NTM: variants seen among roughly 807,000 people sequenced by gnomAD.
NTM encodes the protein neurotrimin.
Under a neutral mutation model 42.1 loss-of-function variants are expected in NTM, and 13 were observed. That is an observed-to-expected ratio of 0.31 (90% CI 0.20 to 0.49). The LOEUF is 0.49. Among genes scored for constraint, NTM ranks in the 20% least tolerant of loss-of-function variants. The probability of loss-of-function intolerance (pLI) is 0.99; values close to 1 mark genes in which losing one functional copy is unlikely to be tolerated. For missense variants in NTM, 373 were observed against 452.8 expected (o/e 0.82, Z 1.60); for synonymous variants, 187 against 179.2 (o/e 1.04, Z -0.35).
chr11:131,712,136 A>AATG (rs1416051457), intron 1 of NTM, among the ~76,000 whole-genome samples: 2 of 149,978 alleles, frequency 1.3e-5, no homozygotes, highest in Admixed American at 6.6e-5. Flanking sequence ...GTATAATAAT[A>AATG]ATAAAATAAA....
intron 4 of NTM, among the ~76,000 whole-genome samples, chr11:132,305,836 A>G (rs569903971): frequency 1.3e-5 from 2 of 152,280 alleles, no homozygotes; most frequent in African/African-American, 2.4e-5. Flanking sequence ...CTATGAGTCT[A>G]TTTGGGTTAA....
At chr11:131,981,373 G>A (rs1358497262) in intron 2 of NTM, 1 of 152,254 alleles carries the variant, frequency 6.6e-6, no homozygotes, top group Non-Finnish European at 1.5e-5. Context: ...CCGGTTAGCT[G>A]TGTGACAGCT....
chr11:131,453,018 C>G (rs1314560781), intron 1 of NTM, among the ~76,000 whole-genome samples: 1 of 152,172 alleles, frequency 6.6e-6, no homozygotes, highest in Non-Finnish European at 1.5e-5. Context: ...CTCCCAAAAC[C>G]GTATTTCCAA....
intron 1 of NTM, among the ~76,000 whole-genome samples, chr11:131,774,377 A>T (rs911739890): frequency 6.6e-6 from 1 of 152,168 alleles, no homozygotes; most frequent in Non-Finnish European, 1.5e-5. Context: ...CTTTTCACAC[A>T]ATTAACATAC....
At chr11:131,876,883 G>C (rs2048612809) in intron 1 of NTM, among the ~76,000 whole-genome samples, 2 of 148,750 alleles carry the variant, frequency 1.3e-5, no homozygotes, top group Admixed American at 1.3e-4. Flanking sequence ...TTTTGAGACA[G>C]AGTCTCACTC....
At chr11:131,550,129 A>G (rs1056116704) in intron 1 of NTM, among the ~76,000 whole-genome samples, 1 of 152,256 alleles carries the variant, frequency 6.6e-6, no homozygotes, top group Non-Finnish European at 1.5e-5. Flanking sequence ...GACAAGAAGA[A>G]CAATAGATAA....
At chr11:131,533,447 C>T (rs2051615398) in intron 1 of NTM, among the ~76,000 whole-genome samples, 1 of 152,176 alleles carries the variant, frequency 6.6e-6, no homozygotes. Flanking sequence ...GTAGACGTCT[C>T]CATCACTGAA....
intron 2 of NTM, among the ~76,000 whole-genome samples, chr11:131,993,684 G>A (rs564386417): frequency 6.6e-6 from 1 of 152,182 alleles, no homozygotes; most frequent in Middle Eastern, 3.4e-3. Context: ...AAAGGGGATT[G>A]AGAAGAATGG....
intron 2 of NTM, among the ~76,000 whole-genome samples, chr11:131,975,356 T>G (rs1284435653): frequency 6.6e-6 from 1 of 152,110 alleles, no homozygotes; most frequent in Non-Finnish European, 1.5e-5. Flanking sequence ...ATTTTTGTAT[T>G]TTTAGTAGAG....
chr11:131,548,009 A>G (rs765154647), intron 1 of NTM, among the ~76,000 whole-genome samples: 4 of 152,192 alleles, frequency 2.6e-5, no homozygotes, highest in African/African-American at 9.7e-5. Context: ...GAGACAGAGG[A>G]GCTCAAACTC....
At chr11:131,794,098 G>T (rs139002893) in intron 1 of NTM, among the ~76,000 whole-genome samples, 239 of 152,296 alleles carry the variant, frequency 1.6e-3, no homozygotes, top group African/African-American at 5.3e-3. Flanking sequence ...TCCAGGCAGG[G>T]ACATGCTGCT....
At chr11:131,376,153 G>A (rs1467717959) in intron 1 of NTM, among the ~76,000 whole-genome samples, 1 of 152,166 alleles carries the variant, frequency 6.6e-6, no homozygotes, top group African/African-American at 2.4e-5. Flanking sequence ...CCAGCTGATG[G>A]GATGGAAGCG....
chr11:131,401,834 A>ATATATATATGTGTGTG (rs1565465568), intron 1 of NTM, among the ~76,000 whole-genome samples: 1 of 86,274 alleles, frequency 1.2e-5, no homozygotes, highest in African/African-American at 4.2e-5. Context: ...ATATATATAT[A>ATATATATATGTGTGTG]TATATATATA....
intron 1 of NTM, among the ~76,000 whole-genome samples, chr11:131,616,683 C>A (rs1423425582): frequency 6.6e-6 from 1 of 151,768 alleles, no homozygotes; most frequent in Admixed American, 6.6e-5. Context: ...GGTGACTGAG[C>A]CAATCAGCTC....
At chr11:132,245,259 C>T (rs1285287278) in intron 4 of NTM, among the ~76,000 whole-genome samples, 3 of 152,132 alleles carry the variant, frequency 2.0e-5, no homozygotes, top group Non-Finnish European at 2.9e-5. Flanking sequence ...AAGGAACCTA[C>T]TGTCCAGGCG....
intron 1 of NTM, among the ~76,000 whole-genome samples, chr11:131,740,669 C>T (rs2081069444): frequency 6.6e-6 from 1 of 152,110 alleles, no homozygotes; most frequent in African/African-American, 2.4e-5. Flanking sequence ...CTCTCTGTCT[C>T]TGTCTGTCTC....
intron 2 of NTM, among the ~76,000 whole-genome samples, chr11:132,127,157 G>C (rs1591682912): frequency 6.6e-6 from 1 of 152,142 alleles, no homozygotes; most frequent in East Asian, 1.9e-4. Context: ...CCCTCTGGTG[G>C]ATCGAAAGGT....
chr11:131,426,956 C>T (rs941511434), intron 1 of NTM, among the ~76,000 whole-genome samples: 18 of 152,054 alleles, frequency 1.2e-4, no homozygotes, highest in Non-Finnish European at 2.4e-4. Flanking sequence ...TATCCTCCCC[C>T]AAGTTGGTCT....
chr11:131,486,908 C>A (rs199860481), intron 1 of NTM, among the ~76,000 whole-genome samples: 2 of 152,224 alleles, frequency 1.3e-5, no homozygotes, highest in African/African-American at 4.8e-5. Context: ...ATAAATAATG[C>A]ATAATGCCCA....
Sources: gnomAD v4.1 joint callset for allele counts (sites outside exome capture counted in the v4.1 genomes callset) on GRCh38, gnomAD v4.1.1 for gene constraint, MANE v1.5 for transcripts, NCBI Gene and HGNC (gene_info 2026-07-23, HGNC 2026-07-21) for gene names.